Variants in FMN2 observed in about 807,000 individuals in gnomAD.
FMN2 encodes the protein formin-2.
Under a neutral mutation model 142.3 loss-of-function variants are expected in FMN2, and 51 were observed. The observed-to-expected ratio is 0.36, with a 90% CI of 0.29 to 0.45. The LOEUF (loss-of-function observed/expected upper bound fraction) is 0.45. FMN2 is among the 20% of genes least tolerant of loss of function. The pLI is 1.00. For synonymous variants in FMN2, 882 were observed against 869.8 expected (o/e 1.01, Z -0.25); for missense variants, 1,936 against 2,122.8 (o/e 0.91, Z 1.73).
At chr1:240,340,737 G>C (rs1298825823) in intron 13 of FMN2, among the ~76,000 whole-genome samples, 1 of 152,080 alleles carries the variant, frequency 6.6e-6, no homozygotes, top group Non-Finnish European at 1.5e-5. Context: ...TAGATAAGCT[G>C]TCTTATCTCT....
intron 6 of FMN2, among the ~76,000 whole-genome samples, chr1:240,221,554 T>C (rs553562439): frequency 6.6e-6 from 1 of 152,332 alleles, no homozygotes; most frequent in East Asian, 1.9e-4. Flanking sequence ...TGCCCACTTT[T>C]TGATGGGATT....
At chr1:240,433,357 T>A (rs1210557474) in intron 15 of FMN2, among the ~76,000 whole-genome samples, 2 of 152,230 alleles carry the variant, frequency 1.3e-5, no homozygotes, top group Non-Finnish European at 2.9e-5. Flanking sequence ...TACTGAAATG[T>A]TAGGAGAAAT....
At position 240,425,233 on chromosome 1, in the gene FMN2, G is replaced by C. The variant is rs553619630; in HGVS notation, c.4911-12828G>C. Reference sequence around the variant, plus strand: ...AGAGAGAGAGAGAGAGAGAGAGAGAGAGCCGTGAGACACTTGGGTGAAGAG... The same window carrying C: ...AGAGAGAGAGAGAGAGAGAGAGAGACAGCCGTGAGACACTTGGGTGAAGAG... On this transcript the variant is annotated intron_variant, in intron 15 of 17. Coordinates refer to ENST00000319653, the MANE Select transcript of FMN2 (RefSeq NM_020066.5). Among the ~76,000 whole-genome samples the C allele has an allele frequency of 3.3e-5, 5 of 151,612 alleles. No individual in the cohort carries two copies. The East Asian group carries it at 5.8e-4, about 18-fold the overall frequency.
intron 3 of FMN2, among the ~76,000 whole-genome samples, chr1:240,184,973 C>T (rs768250239): frequency 7.5e-6 from 1 of 133,500 alleles, no homozygotes; most frequent in Admixed American, 7.2e-5. Context: ...CCCTCCTATA[C>T]CTTCCCCTTC....
intron 16 of FMN2, among the ~76,000 whole-genome samples, chr1:240,452,813 A>G (rs1676106281): frequency 6.6e-6 from 1 of 152,226 alleles, no homozygotes; most frequent in African/African-American, 2.4e-5. Context: ...AGATATTAAT[A>G]CATTCTTAAA....
intron 8 of FMN2, among the ~76,000 whole-genome samples, chr1:240,314,298 T>C (rs1670694694): frequency 6.6e-6 from 1 of 152,062 alleles, no homozygotes. Flanking sequence ...CATCCATCTG[T>C]AGCAAGGAGT....
At chr1:240,412,232 A>G (rs1043112564) in intron 15 of FMN2, among the ~76,000 whole-genome samples, 1 of 152,222 alleles carries the variant, frequency 6.6e-6, no homozygotes, top group Non-Finnish European at 1.5e-5. Flanking sequence ...TAAAGACAAA[A>G]TATTAATTTG....
rs115471820 is a variant in FMN2, at chr1:240,125,394, G to A, written c.1782+2049G>A. ...TGCTAGGTAGATCTCTTTCTCTTAT[G>A]GGAAAAAATATATAACTTAAATGTT... is the stretch of plus-strand genomic sequence containing the variant. On this transcript the variant is annotated intron_variant, in intron 2 of 17. Transcript: ENST00000319653. Among the ~76,000 whole-genome samples the A allele has an allele frequency of 9.8e-3, 1,496 of 152,158 alleles. 19 individuals carry two copies. The highest frequency in any genetic ancestry group is 0.034 in the African/African-American group (1,413 of 41,510).
intron 14 of FMN2, among the ~76,000 whole-genome samples, chr1:240,391,455 G>T (rs1558467668): frequency 6.6e-6 from 1 of 152,058 alleles, no homozygotes; most frequent in Non-Finnish European, 1.5e-5. Context: ...TAATCAATTT[G>T]CCCTGCTCCA....
rs970296121 is a variant in FMN2, at chr1:240,176,493, G to A, written c.1783-1428G>A. On this transcript the variant is annotated intron_variant, in intron 2 of 17. Transcript: ENST00000319653. The stretch of plus-strand genomic sequence containing the variant: ...CAAAGAGACATCCTCCTAAACTAGA[G>A]GTGGGAGGTAGCACTCTCCGGCTGT... Among the ~76,000 whole-genome samples, 10 of 152,170 alleles carry A rather than the reference G, an allele frequency of 6.6e-5. No individual in the cohort carries two copies. In the South Asian group the frequency reaches 1.9e-3, roughly 28 times the overall value.
chr1:240,150,172 T>C lies in FMN2; in HGVS notation c.1782+26827T>C, dbSNP rs142944468. On this transcript the variant is annotated intron_variant, in intron 2 of 17. Coordinates refer to ENST00000319653, the MANE Select transcript of FMN2 (RefSeq NM_020066.5). ...TAAATGATTAACCCTTATTGAAATATGTTTTCACTTTTAAGGATTTGAACA... is the reference window on the plus strand; with the variant it reads ...TAAATGATTAACCCTTATTGAAATACGTTTTCACTTTTAAGGATTTGAACA... Among the ~76,000 whole-genome samples the C allele has an allele frequency of 2.9e-3, 445 of 152,342 alleles. 1 individual carries two copies. Among genetic ancestry groups the C allele is most frequent in the African/African-American group, 0.01 (433 of 41,584 alleles).
In FMN2 at chr1:240,093,489, C is replaced by G. The variant is rs771349783; in HGVS notation, c.1380C>G (p.Ala460=). 6.2e-7 allele frequency: 1 copy of G among 1,601,810 alleles called. No individual in the cohort carries two copies. Among genetic ancestry groups the G allele is most frequent in the African/African-American group, 1.4e-5 (1 of 73,478 alleles). ...SLSRGSRTAL[A]SVAAPAKKHR... ...GCCGAGGGTCCAGAACTGCCCTGGCCTCCGTAGCCGCCCCGGCCAAGAAGC... is the reference window on the plus strand; with the variant it reads ...GCCGAGGGTCCAGAACTGCCCTGGCGTCCGTAGCCGCCCCGGCCAAGAAGC... The change falls in exon 1 of 18, where the codon GCC becomes GCG. Residue 460 remains alanine (A), a synonymous_variant. Coordinates refer to ENST00000319653, the MANE Select transcript of FMN2 (RefSeq NM_020066.5).
intron 2 of FMN2, among the ~76,000 whole-genome samples, chr1:240,151,572 T>G (rs1386455683): frequency 6.6e-6 from 1 of 152,122 alleles, no homozygotes; most frequent in Non-Finnish European, 1.5e-5. Context: ...ACAGGAGTCT[T>G]AGAAAATTGT....
rs372839255 is a variant in FMN2, at chr1:240,207,176, T to C, written c.2364T>C (p.Ile788=). 3.1e-6 allele frequency: 5 copies of C among 1,614,026 alleles called. No homozygotes were observed. The highest frequency in any genetic ancestry group is 4.2e-6 in the Non-Finnish European group (5 of 1,179,964). ...AGTTCTGTTCAGAGATTTCTTTGAT[T>C]GTGTCTCCAAGGCGAATATCAGTCC... ...QTKFCSEISL[I]VSPRRISVQL... is the part of the protein sequence containing the mutation. Residue 788 remains isoleucine, a synonymous_variant, in exon 5 of 18, where the codon ATT becomes ATC. Coordinates refer to ENST00000319653, the MANE Select transcript of FMN2 (RefSeq NM_020066.5).
chr1:240,231,193 C>G lies in FMN2; in HGVS notation c.4065+19958C>G, dbSNP rs909658826. On this transcript the variant is annotated intron_variant, in intron 6 of 17. Coordinates refer to ENST00000319653, the MANE Select transcript of FMN2 (RefSeq NM_020066.5). ...AAAAACAAGAAAACAAAACAAAAAA[C>G]TCTCTAATTTGACCATCTCTTTGCG... Among the ~76,000 whole-genome samples, 2 of 132,368 alleles carry G rather than the reference C, an allele frequency of 1.5e-5. 1 individual carries two copies. The highest frequency in any genetic ancestry group is 6.5e-5 in the African/African-American group (2 of 31,002). 86.8% of individuals were successfully genotyped at this position (132,368 alleles called of 152,430 possible). A position where few individuals can be genotyped will look rare whatever the true frequency, so the allele number is the denominator to read the frequency against.
chr1:240,176,187 G>T (rs957551810), intron 2 of FMN2, among the ~76,000 whole-genome samples: 1 of 152,102 alleles, frequency 6.6e-6, no homozygotes, highest in Non-Finnish European at 1.5e-5. Flanking sequence ...TGTAGTTTTA[G>T]GTCTTATGTT....
At chr1:240,285,696 A>T (rs564235678) in intron 7 of FMN2, among the ~76,000 whole-genome samples, 6 of 152,184 alleles carry the variant, frequency 3.9e-5, no homozygotes, top group Non-Finnish European at 8.8e-5. Flanking sequence ...TATCGGAAGG[A>T]ATTTATAACT....
intron 3 of FMN2, among the ~76,000 whole-genome samples, chr1:240,187,480 G>T (rs1665529058): frequency 6.6e-6 from 1 of 152,066 alleles, no homozygotes; most frequent in Non-Finnish European, 1.5e-5. Context: ...GATGAGATTA[G>T]TGGTTTTTCA....
At chr1:240,270,479 A>G (rs1423951988) in intron 7 of FMN2, among the ~76,000 whole-genome samples, 1 of 152,112 alleles carries the variant, frequency 6.6e-6, no homozygotes, top group African/African-American at 2.4e-5. Flanking sequence ...CACACCTCGG[A>G]TAAACCTCAT....
Sources: gnomAD v4.1 joint callset for allele counts (sites outside exome capture counted in the v4.1 genomes callset) on GRCh38, gnomAD v4.1.1 for gene constraint, MANE v1.5 for transcripts, NCBI Gene and HGNC (gene_info 2026-07-23, HGNC 2026-07-21) for gene names.